Variants in CFAP61 observed in about 807,000 individuals in gnomAD.
The protein encoded by CFAP61 is cilia and flagella associated protein 61, also known as cilia- and flagella-associated protein 61.
In CFAP61, 107 loss-of-function variants were observed where a neutral mutation model predicts 135.6. The observed-to-expected ratio is 0.79, with a 90% CI of 0.67 to 0.93. The LOEUF is 0.93. Among genes scored for constraint, CFAP61 ranks in the 40% least tolerant of loss-of-function variants. The pLI, the probability that CFAP61 is intolerant of heterozygous loss-of-function variation, is 0.00. For missense variants in CFAP61, 1,507 were observed against 1,556.2 expected (o/e 0.97, Z 0.53); for synonymous variants, 575 against 578.5 (o/e 0.99, Z 0.09).
Position 20,164,144 on chromosome 20 carries a change from C to A in CFAP61, c.1121C>A (p.Pro374His), listed in dbSNP as rs368299050. ...SLASLVLPEEPVHFRPIYRGA... is the reference protein window; with the variant it reads ...SLASLVLPEEHVHFRPIYRGA... ...GCATCGCTCGTACTGCCTGAAGAGC[C>A]CGTCCACTTCCGCCCCATCTACAGG... The change falls in exon 11 of 27, where the codon CCC (proline) becomes CAC (histidine). Residue 374 changes from proline to histidine, a missense_variant. Transcript: ENST00000245957. 3 of 1,613,966 alleles carry A rather than the reference C, an allele frequency of 1.9e-6. No homozygotes were observed. The highest frequency in any genetic ancestry group is 1.6e-4 in the Middle Eastern group (1 of 6,084).
At chr20:20,101,243 T>G (rs2047996991) in intron 8 of CFAP61, among the ~76,000 whole-genome samples, 1 of 152,254 alleles carries the variant, frequency 6.6e-6, no homozygotes, top group Non-Finnish European at 1.5e-5. Flanking sequence ...GGAAATATAA[T>G]TTCTCTAAAA....
At chr20:20,278,498 T>A (rs1601781934) in intron 22 of CFAP61, among the ~76,000 whole-genome samples, 1 of 152,174 alleles carries the variant, frequency 6.6e-6, no homozygotes, top group Non-Finnish European at 1.5e-5. Flanking sequence ...AAAGGGAAGC[T>A]GAGGTCGGTA....
intron 25 of CFAP61, among the ~76,000 whole-genome samples, chr20:20,320,427 TGTA>T (rs1348932625): frequency 2.1e-4 from 20 of 93,462 alleles, no homozygotes; most frequent in Non-Finnish European, 3.3e-4. Context: ...ATATTATATA[TGTA>T]ATATAATATA....
At chr20:20,130,700 T>C (rs1246387507) in intron 8 of CFAP61, among the ~76,000 whole-genome samples, 10 of 151,444 alleles carry the variant, frequency 6.6e-5, no homozygotes, top group South Asian at 4.2e-4. Flanking sequence ...ATGGAGGAGG[T>C]CCCAAAGGGA....
chr20:20,105,918 C>G (rs974728036), intron 8 of CFAP61, among the ~76,000 whole-genome samples: 2 of 149,238 alleles, frequency 1.3e-5, no homozygotes, highest in African/African-American at 2.4e-5. Context: ...GGATTACAGG[C>G]ATGATGAATT....
At position 20,179,538 on chromosome 20, in the gene CFAP61, A is replaced by G. The variant is rs1278358575; in HGVS notation, c.1386-8392A>G. ...CAGAACTAGAAAAAACTGTTTTGAT[A>G]TTCATATGGACCCGAGAAAGAGCCA... On this transcript the variant is annotated intron_variant, in intron 13 of 26. Coordinates refer to ENST00000245957, the MANE Select transcript of CFAP61 (RefSeq NM_015585.4). 2.6e-5 allele frequency among the ~76,000 whole-genome samples: 4 copies of G among 152,306 alleles called. No homozygotes were observed. The East Asian group carries it at 7.7e-4, about 29-fold the overall frequency.
intron 8 of CFAP61, among the ~76,000 whole-genome samples, chr20:20,103,858 A>G (rs2048191327): frequency 6.6e-6 from 1 of 152,238 alleles, no homozygotes; most frequent in Non-Finnish European, 1.5e-5. Flanking sequence ...CACAACCTGC[A>G]TTTCCACAGC....
chr20:20,200,104 A>G (rs528412490), intron 17 of CFAP61, among the ~76,000 whole-genome samples: 1 of 152,352 alleles, frequency 6.6e-6, no homozygotes, highest in East Asian at 1.9e-4. Flanking sequence ...AGCCTAAAGC[A>G]GTAGCCACAG....
At chr20:20,076,225 C>T (rs141631046) in intron 6 of CFAP61, among the ~76,000 whole-genome samples, 5 of 152,286 alleles carry the variant, frequency 3.3e-5, no homozygotes, top group Non-Finnish European at 7.4e-5. Flanking sequence ...ACCAGTAGAC[C>T]GTGGCCAAAG....
intron 6 of CFAP61, chr20:20,084,986 A>T (rs1448366527): frequency 8.3e-6 from 3 of 363,518 alleles, no homozygotes; most frequent in Non-Finnish European, 1.1e-5. Flanking sequence ...AAAATATTGT[A>T]TAATTGATGA....
intron 21 of CFAP61, among the ~76,000 whole-genome samples, chr20:20,265,099 C>T (rs79423381): frequency 0.084 from 12,810 of 152,176 alleles, 608 homozygotes; most frequent in Middle Eastern, 0.16. Flanking sequence ...AAATCATTAC[C>T]ATTTCATGAA....
rs1473708042 is a variant in CFAP61 at position 20,131,213 on chromosome 20, ATTTGTT to A, written c.860-11634_860-11629del. 4.0e-5 allele frequency among the ~76,000 whole-genome samples: 6 copies of A among 151,498 alleles called. No individual in the cohort carries two copies. The East Asian group carries it at 1.2e-3, about 29-fold the overall frequency. ...GCTGGTAATAACCTGGGTGCTGTGT[ATTTGTT>A]TTTGTTTTTTTGTGGATGGGGAGGG... On this transcript the variant is annotated intron_variant, in intron 8 of 26. Transcript: ENST00000245957.
At chr20:20,089,488 AG>A (rs1350578040) in intron 6 of CFAP61, among the ~76,000 whole-genome samples, 1 of 152,000 alleles carries the variant, frequency 6.6e-6, no homozygotes, top group African/African-American at 2.4e-5. Context: ...ATGGTAGCAT[AG>A]TAAAGCTAGG....
chr20:20,067,715 A>T (rs2045391222), intron 2 of CFAP61, among the ~76,000 whole-genome samples: 1 of 145,454 alleles, frequency 6.9e-6, no homozygotes, highest in Non-Finnish European at 1.5e-5. Flanking sequence ...TATTTTATAT[A>T]TAATATATAT....
At chr20:20,267,575 TG>T (rs1157692131) in intron 21 of CFAP61, 1 of 152,308 alleles carries the variant, frequency 6.6e-6, no homozygotes, top group Non-Finnish European at 1.5e-5. Flanking sequence ...CTGCATGTGG[TG>T]GTCTTGCTGA....
At chr20:20,107,022 A>T (rs575713771) in intron 8 of CFAP61, among the ~76,000 whole-genome samples, 1 of 152,278 alleles carries the variant, frequency 6.6e-6, no homozygotes, top group Non-Finnish European at 1.5e-5. Flanking sequence ...GATCCTGCTG[A>T]CTTTTCTCTT....
At chr20:20,138,375 G>A (rs921181392) in intron 8 of CFAP61, among the ~76,000 whole-genome samples, 10 of 152,194 alleles carry the variant, frequency 6.6e-5, no homozygotes, top group African/African-American at 1.4e-4. Flanking sequence ...GTGGTGGCAC[G>A]GCTTGCCAGA....
chr20:20,282,622 C>T (rs1245341623), intron 22 of CFAP61, among the ~76,000 whole-genome samples: 1 of 152,050 alleles, frequency 6.6e-6, no homozygotes, highest in African/African-American at 2.4e-5. Context: ...TAGTGTAATG[C>T]TGTTGTGATC....
At chr20:20,269,190 T>TATATACATATATGTATATATACAC in intron 21 of CFAP61, among the ~76,000 whole-genome samples, 3 of 92,850 alleles carry the variant, frequency 3.2e-5, no homozygotes, top group African/African-American at 1.2e-4. Context: ...TACACACACA[T>TATATACATATATGTATATATACAC]ATATACATAT....
Sources: allele counts gnomAD v4.1 joint callset (sites outside exome capture counted in the v4.1 genomes callset), GRCh38; gene constraint gnomAD v4.1.1; transcripts MANE v1.5; gene names NCBI Gene and HGNC (gene_info 2026-07-23, HGNC 2026-07-21).